Variants in PCDHGB1 observed in about 807,000 individuals in gnomAD.
PCDHGB1 encodes the protein protocadherin gamma subfamily B, 1, also known as protocadherin gamma-B1.
A neutral mutation model predicts 56.6 loss-of-function variants in PCDHGB1; 34 were observed. The observed-to-expected ratio is 0.60, with a 90% CI of 0.46 to 0.80. PCDHGB1 has a LOEUF of 0.80. Among genes scored for constraint, PCDHGB1 ranks in the 30% least tolerant of loss-of-function variants. PCDHGB1 has a pLI of 0.00. For synonymous variants in PCDHGB1, 561 were observed against 505.9 expected, an observed-to-expected ratio of 1.11 and a Z score of -1.46; for missense variants, 1,278 against 1,204.6, an observed-to-expected ratio of 1.06 and a Z score of -0.90.
In PCDHGB1 at chr5:141,409,805, C is replaced by G. The variant is rs751397816; in HGVS notation, c.2409+57136C>G. ...CGCCTTCGCGCTCACGCTGCAGGCC[C>G]GCGACCACGGCTCGCCCACGCTCAG... On this transcript the variant is annotated intron_variant, in intron 1 of 3. Coordinates refer to ENST00000523390, the MANE Select transcript of PCDHGB1 (RefSeq NM_018922.3). 8 of 1,611,512 alleles carry G rather than the reference C, an allele frequency of 5.0e-6. No individual in the cohort carries two copies. In the African/African-American group the frequency reaches 5.3e-5, roughly 11 times the overall value.
At chr5:141,484,506 G>T (rs1442936814) in intron 1 of PCDHGB1, among the ~76,000 whole-genome samples, 1 of 152,186 alleles carries the variant, frequency 6.6e-6, no homozygotes, top group Non-Finnish European at 1.5e-5. Context: ...TGAATATTCT[G>T]CAGAAGGGCA....
At chr5:141,370,697 G>T in intron 1 of PCDHGB1, 3 of 1,613,806 alleles carry the variant, frequency 1.9e-6, no homozygotes, top group Non-Finnish European at 2.5e-6. Context: ...AGAAGTCGAC[G>T]TGTGTTCTGG....
chr5:141,393,315 C>A, intron 1 of PCDHGB1: 1 of 1,613,104 alleles, frequency 6.2e-7, no homozygotes. Flanking sequence ...GAACTCCCTC[C>A]AGAGCTACCA....
At chr5:141,427,960 G>C (rs759698390) in intron 1 of PCDHGB1, 7 of 1,589,168 alleles carry the variant, frequency 4.4e-6, no homozygotes, top group South Asian at 1.1e-5. Flanking sequence ...AATGTGCCGC[G>C]GGTGCTGTAC....
chr5:141,364,955 G>T (rs267600453), intron 1 of PCDHGB1: 1 of 1,613,906 alleles, frequency 6.2e-7, no homozygotes, highest in East Asian at 2.2e-5. Context: ...GACTGTTCAC[G>T]ACCTCCTCCT....
chr5:141,394,912 T>C (rs1205097386), intron 1 of PCDHGB1: 11 of 1,613,694 alleles, frequency 6.8e-6, no homozygotes, highest in Non-Finnish European at 9.3e-6. Context: ...GTGGCTGCCA[T>C]CTCCTGTGTC....
intron 1 of PCDHGB1, chr5:141,389,025 A>C: frequency 6.2e-7 from 1 of 1,613,992 alleles, no homozygotes; most frequent in Non-Finnish European, 8.5e-7. Flanking sequence ...TGGAGAAGTG[A>C]CTTGTAAATT....
At chr5:141,430,873 G>T in intron 1 of PCDHGB1, 5 of 1,598,960 alleles carry the variant, frequency 3.1e-6, no homozygotes, top group Non-Finnish European at 4.3e-6. Flanking sequence ...TTCCGGAAGA[G>T]CTGGAGAAAG....
intron 1 of PCDHGB1, chr5:141,409,468 C>A: frequency 2.5e-6 from 4 of 1,613,948 alleles, no homozygotes; most frequent in Non-Finnish European, 3.4e-6. Context: ...ATGTCACCAT[C>A]GTAGCCACTG....
chr5:141,419,610 C>T (rs779657777), intron 1 of PCDHGB1: 162 of 1,612,012 alleles, frequency 1.0e-4, no homozygotes, highest in Non-Finnish European at 1.3e-4. Flanking sequence ...GCCGCGCAGC[C>T]AGGCTACCTG....
In PCDHGB1 at chr5:141,352,324, G is replaced by A. The variant is rs774613616; in HGVS notation, c.2064G>A (p.Leu688=). The A allele has an allele frequency of 5.0e-6, 8 of 1,613,962 alleles. No individual in the cohort carries two copies. The highest frequency in any genetic ancestry group is 1.6e-4 in the Middle Eastern group (1 of 6,084). Residue 688 remains leucine (L), a synonymous_variant, in exon 1 of 4, where the codon CTG becomes CTA. Coordinates refer to ENST00000523390, the MANE Select transcript of PCDHGB1 (RefSeq NM_018922.3). The stretch of plus-strand genomic sequence containing the variant: ...CCCAGACGGAACTGCAGTTTTACCT[G>A]GTTGTGGCCTTGGCCTTGATCTCAG... ...SDPQTELQFY[L]VVALALISVL... is the part of the protein sequence containing the mutation.
At chr5:141,441,920 A>G (rs1276085080) in intron 1 of PCDHGB1, 8 of 352,988 alleles carry the variant, frequency 2.3e-5, no homozygotes, top group East Asian at 8.9e-5. Context: ...GTGAGACACA[A>G]TGCGTGGCTG....
chr5:141,376,437 A>C (rs375879976), intron 1 of PCDHGB1: 1 of 1,614,086 alleles, frequency 6.2e-7, no homozygotes, highest in South Asian at 1.1e-5. Flanking sequence ...CAGGAGAGCT[A>C]TGAGAAAAGC....
chr5:141,382,913 C>T (rs1778570973), intron 1 of PCDHGB1: 1 of 1,553,116 alleles, frequency 6.4e-7, no homozygotes, highest in Admixed American at 2.0e-5. Flanking sequence ...GCGGCTCAGC[C>T]GAGGGGCGGG....
At chr5:141,472,805 G>C (rs2099297767) in intron 1 of PCDHGB1, among the ~76,000 whole-genome samples, 1 of 151,688 alleles carries the variant, frequency 6.6e-6, no homozygotes, top group African/African-American at 2.4e-5. Context: ...GACCAACATG[G>C]AGAAACCCCC....
intron 1 of PCDHGB1, chr5:141,403,515 G>A: frequency 6.2e-7 from 1 of 1,614,024 alleles, no homozygotes; most frequent in Non-Finnish European, 8.5e-7. Context: ...GGAGACAATG[G>A]AGCCATAAAC....
intron 1 of PCDHGB1, among the ~76,000 whole-genome samples, chr5:141,380,345 TG>T (rs1448564641): frequency 6.6e-6 from 1 of 152,202 alleles, no homozygotes; most frequent in African/African-American, 2.4e-5. Context: ...AGAACTGTTT[TG>T]TTGTTTGTTT....
intron 1 of PCDHGB1, chr5:141,370,354 C>T (rs745912783): frequency 1.4e-5 from 21 of 1,505,704 alleles, no homozygotes; most frequent in Non-Finnish European, 1.9e-5. Flanking sequence ...TTAAAGATCT[C>T]CTCTCCTCGG....
At chr5:141,371,462 A>G (rs181808735) in intron 1 of PCDHGB1, 29 of 1,613,988 alleles carry the variant, frequency 1.8e-5, no homozygotes, top group Admixed American at 3.3e-5. Flanking sequence ...CCCAACATAT[A>G]CAAGAAGATG....
Sources: gnomAD v4.1 joint callset for allele counts (sites outside exome capture counted in the v4.1 genomes callset) on GRCh38, gnomAD v4.1.1 for gene constraint, MANE v1.5 for transcripts, NCBI Gene and HGNC (gene_info 2026-07-23, HGNC 2026-07-21) for gene names.